Variants in MAGI2 observed in about 807,000 individuals in gnomAD.
The protein encoded by MAGI2 is membrane-associated guanylate kinase, WW and PDZ domain-containing protein 2.
MAGI2 carries 35 observed loss-of-function variants against 133.3 expected under a neutral mutation model. The observed-to-expected ratio is 0.26, with a 90% CI of 0.20 to 0.35. The LOEUF (loss-of-function observed/expected upper bound fraction) is 0.35. Among genes scored for constraint, MAGI2 ranks in the 10% least tolerant of loss-of-function variants. The pLI is 1.00. For missense variants in MAGI2, 1,636 were observed against 1,863.4 expected (o/e 0.88, Z 2.25); for synonymous variants, 729 against 710.6 (o/e 1.03, Z -0.41).
intron 2 of MAGI2, among the ~76,000 whole-genome samples, chr7:79,005,597 A>G (rs1250563497): frequency 6.6e-6 from 1 of 152,152 alleles, no homozygotes; most frequent in Admixed American, 6.5e-5. Flanking sequence ...CCTGAATGTC[A>G]GCTTCTTATC....
chr7:78,388,314 C>CATT (rs1795593946), intron 6 of MAGI2, among the ~76,000 whole-genome samples: 1 of 151,848 alleles, frequency 6.6e-6, no homozygotes. Context: ...TCATCATCAT[C>CATT]GGTAGTGGTA....
chr7:78,682,378 C>T (rs919560699), intron 2 of MAGI2, among the ~76,000 whole-genome samples: 12 of 152,042 alleles, frequency 7.9e-5, no homozygotes, highest in Non-Finnish European at 4.4e-5. Context: ...CCCCTTGCCC[C>T]CCACCCACCA....
chr7:78,901,487 A>G lies in MAGI2; in HGVS notation c.418+105603T>C, dbSNP rs575605548. ...CATTATATCATCATTGTTAATAAGC[A>G]ATAATGAAGCTAATGTTTCTTCCCT... is the stretch of plus-strand genomic sequence containing the variant. On this transcript the variant is annotated intron_variant, in intron 2 of 21. Coordinates refer to ENST00000354212, the MANE Select transcript of MAGI2 (RefSeq NM_012301.4). 5.3e-5 allele frequency: 8 copies of G among 152,324 alleles called. No homozygotes were observed. In the South Asian group the frequency reaches 1.4e-3, roughly 28 times the overall value. 9.4% of individuals were successfully genotyped at this position (152,324 alleles called of 1,614,324 possible). A position where few individuals can be genotyped will look rare whatever the true frequency, so the allele number is the denominator to read the frequency against.
chr7:78,283,811 TC>T, intron 9 of MAGI2, among the ~76,000 whole-genome samples: 1 of 152,202 alleles, frequency 6.6e-6, no homozygotes, highest in African/African-American at 2.4e-5. Context: ...AAGCGATAAA[TC>T]TGTTTTTGTA....
chr7:78,511,216 A>T (rs1795531290), intron 4 of MAGI2, among the ~76,000 whole-genome samples: 1 of 152,130 alleles, frequency 6.6e-6, no homozygotes, highest in African/African-American at 2.4e-5. Context: ...GTTGATTTTT[A>T]TATATGGGAA....
chr7:78,716,200 G>A (rs1425280925), intron 2 of MAGI2, among the ~76,000 whole-genome samples: 1 of 152,166 alleles, frequency 6.6e-6, no homozygotes, highest in Non-Finnish European at 1.5e-5. Context: ...TTTTCCCACA[G>A]AGCCACCTTT....
chr7:79,427,171 T>C (rs927053975), intron 1 of MAGI2, among the ~76,000 whole-genome samples: 2 of 152,156 alleles, frequency 1.3e-5, no homozygotes, highest in Admixed American at 6.6e-5. Flanking sequence ...ACCGAGTACT[T>C]ACTCTGTGAA....
At chr7:79,269,025 T>C (rs1440597308) in intron 1 of MAGI2, among the ~76,000 whole-genome samples, 2 of 152,094 alleles carry the variant, frequency 1.3e-5, no homozygotes, top group Admixed American at 1.3e-4. Context: ...CGGGAAATGG[T>C]GGAGTTGATG....
chr7:78,087,945 C>G (rs141494533), intron 20 of MAGI2, among the ~76,000 whole-genome samples: 122 of 152,308 alleles, frequency 8.0e-4, no homozygotes, highest in African/African-American at 2.7e-3. Context: ...TGAAAAGAAA[C>G]TGGGGCAATA....
intron 1 of MAGI2, among the ~76,000 whole-genome samples, chr7:79,419,834 T>C (rs1269890186): frequency 3.3e-5 from 5 of 152,024 alleles, no homozygotes; most frequent in African/African-American, 1.2e-4. Context: ...ACTGATGACA[T>C]AAAACATAAA....
intron 3 of MAGI2, among the ~76,000 whole-genome samples, chr7:78,568,846 G>A (rs886559875): frequency 1.3e-5 from 2 of 152,018 alleles, no homozygotes; most frequent in Non-Finnish European, 2.9e-5. Context: ...ACTCTCCAAA[G>A]TGTTCCAGAG....
chr7:79,372,878 T>C (rs1468326059), intron 1 of MAGI2, among the ~76,000 whole-genome samples: 3 of 152,090 alleles, frequency 2.0e-5, no homozygotes, highest in Admixed American at 6.6e-5. Flanking sequence ...AGTCATTCTA[T>C]GTGGAATTCA....
intron 21 of MAGI2, among the ~76,000 whole-genome samples, chr7:78,061,980 T>C (rs1813324429): frequency 6.6e-6 from 1 of 152,306 alleles, no homozygotes; most frequent in South Asian, 2.1e-4. Context: ...AAAGAGAAAT[T>C]GGGCAGAGCA....
chr7:79,214,041 G>C (rs542390873), intron 1 of MAGI2, among the ~76,000 whole-genome samples: 1 of 151,664 alleles, frequency 6.6e-6, no homozygotes, highest in Non-Finnish European at 1.5e-5. Context: ...TCAGATTTTC[G>C]CATGCAAAAC....
At chr7:79,024,089 C>T (rs192245927) in intron 1 of MAGI2, among the ~76,000 whole-genome samples, 78 of 152,240 alleles carry the variant, frequency 5.1e-4, no homozygotes, top group African/African-American at 1.5e-3. Flanking sequence ...AACTATACTA[C>T]AAGGCTACAT....
chr7:78,713,782 A>T (rs1356193655), intron 2 of MAGI2, among the ~76,000 whole-genome samples: 1 of 152,128 alleles, frequency 6.6e-6, no homozygotes, highest in Non-Finnish European at 1.5e-5. Flanking sequence ...CTCACAATGC[A>T]TGGAAAAATG....
chr7:78,799,947 G>T (rs568840192), intron 2 of MAGI2, among the ~76,000 whole-genome samples: 31 of 152,252 alleles, frequency 2.0e-4, no homozygotes, highest in Admixed American at 1.7e-3. Flanking sequence ...TGGGCAGAAA[G>T]ATTTTATTTT....
chr7:79,414,897 G>A lies in MAGI2; in HGVS notation c.301+38123C>T, dbSNP rs974492758. 3.9e-5 allele frequency: 6 copies of A among 151,964 alleles called. No individual in the cohort carries two copies. In the East Asian group the frequency reaches 1.2e-3, roughly 29 times the overall value. 9.4% of individuals were successfully genotyped at this position (151,964 alleles called of 1,614,324 possible). ...TAATTTTTAGTAGTGTAATTATTTT[G>A]AGATTCATCTCCTTTAGTAAACTGC... On this transcript the variant is annotated intron_variant, in intron 1 of 21. Coordinates refer to ENST00000354212, the MANE Select transcript of MAGI2 (RefSeq NM_012301.4).
chr7:78,813,551 C>T (rs150869439), intron 2 of MAGI2, among the ~76,000 whole-genome samples: 286 of 152,074 alleles, frequency 1.9e-3, no homozygotes, highest in African/African-American at 6.4e-3. Context: ...TTTGGGAGGC[C>T]GAGACGGGCG....
Sources: gnomAD v4.1 joint callset for allele counts (sites outside exome capture counted in the v4.1 genomes callset) on GRCh38, gnomAD v4.1.1 for gene constraint, MANE v1.5 for transcripts, NCBI Gene and HGNC (gene_info 2026-07-23, HGNC 2026-07-21) for gene names.